The following PACRG variants were observed in gnomAD, a reference collection of about 807,000 sequenced individuals.
PACRG encodes the protein parkin coregulated.
In PACRG, 29 loss-of-function variants were observed where a neutral mutation model predicts 29.7. The observed-to-expected ratio is 0.98, with a 90% CI of 0.73 to 1.33. The LOEUF (loss-of-function observed/expected upper bound fraction) is 1.33, where lower values mean the gene tolerates loss of function less well. PACRG is among the 40% of genes most tolerant of loss of function. PACRG has a pLI of 0.00. For missense variants in PACRG, 279 were observed against 316.2 expected, an observed-to-expected ratio of 0.88 and a Z score of 0.89; for synonymous variants, 116 against 118.7, an observed-to-expected ratio of 0.98 and a Z score of 0.15.
At chr6:163,017,696 G>A (rs986367116) in intron 2 of PACRG, among the ~76,000 whole-genome samples, 6 of 152,004 alleles carry the variant, frequency 3.9e-5, no homozygotes, top group African/African-American at 9.7e-5. Flanking sequence ...ACAGACAGAC[G>A]GACAGAGATG....
intron 2 of PACRG, among the ~76,000 whole-genome samples, chr6:163,037,748 C>T (rs1430455422): frequency 6.6e-6 from 1 of 152,200 alleles, no homozygotes; most frequent in Non-Finnish European, 1.5e-5. Flanking sequence ...CATGCACACA[C>T]ACACACAGTT....
At chr6:162,873,120 C>T (rs926714339) in intron 2 of PACRG, among the ~76,000 whole-genome samples, 1 of 152,092 alleles carries the variant, frequency 6.6e-6, no homozygotes, top group African/African-American at 2.4e-5. Context: ...TTCCCTGGAA[C>T]TACAGGTATT....
chr6:163,266,833 G>T (rs769380914), intron 4 of PACRG, among the ~76,000 whole-genome samples: 4 of 152,186 alleles, frequency 2.6e-5, no homozygotes, highest in Non-Finnish European at 5.9e-5. Flanking sequence ...TCCTGCTCTA[G>T]ACCGTGGCCA....
chr6:163,013,775 G>A (rs1179200990), intron 2 of PACRG, among the ~76,000 whole-genome samples: 1 of 151,786 alleles, frequency 6.6e-6, no homozygotes. Flanking sequence ...AATAATTGCT[G>A]ATAAAATGAA....
At chr6:163,079,118 G>C (rs1450056973) in intron 3 of PACRG, among the ~76,000 whole-genome samples, 1 of 152,110 alleles carries the variant, frequency 6.6e-6, no homozygotes, top group Non-Finnish European at 1.5e-5. Context: ...ACTGTAAGGA[G>C]TAATGAGATT....
intron 4 of PACRG, among the ~76,000 whole-genome samples, chr6:163,234,329 TCTCA>T (rs2128164964): frequency 6.6e-6 from 1 of 152,106 alleles, no homozygotes; most frequent in Admixed American, 6.6e-5. Flanking sequence ...GTGGGTGAGT[TCTCA>T]CTCTTAGTTC....
chr6:162,740,527 A>C (rs1290833481), intron 1 of PACRG, among the ~76,000 whole-genome samples: 1 of 151,188 alleles, frequency 6.6e-6, no homozygotes, highest in African/African-American at 2.4e-5. Context: ...TGTGTTAGCC[A>C]GGATGGTCTT....
intron 2 of PACRG, among the ~76,000 whole-genome samples, chr6:162,859,145 A>T (rs1791648211): frequency 1.3e-5 from 2 of 151,916 alleles, no homozygotes; most frequent in Admixed American, 1.3e-4. Context: ...TCAGTAGATG[A>T]TTGAAGCGAA....
At chr6:162,750,385 A>C (rs1332482667) in intron 1 of PACRG, among the ~76,000 whole-genome samples, 1 of 152,160 alleles carries the variant, frequency 6.6e-6, no homozygotes, top group African/African-American at 2.4e-5. Context: ...TCACACTGTC[A>C]TTTTACTCAT....
intron 2 of PACRG, among the ~76,000 whole-genome samples, chr6:162,915,147 A>C (rs2128085149): frequency 6.6e-6 from 1 of 152,190 alleles, no homozygotes; most frequent in South Asian, 2.1e-4. Flanking sequence ...ATTGGCTATG[A>C]GTTTTTCATA....
chr6:163,258,371 G>T (rs1279878625), intron 4 of PACRG, among the ~76,000 whole-genome samples: 4 of 151,984 alleles, frequency 2.6e-5, no homozygotes, highest in African/African-American at 9.7e-5. Context: ...CTTTAGATGG[G>T]CTTAAAGCAA....
chr6:162,842,118 G>C (rs1287913916), intron 2 of PACRG, among the ~76,000 whole-genome samples: 1 of 149,984 alleles, frequency 6.7e-6, no homozygotes, highest in African/African-American at 2.5e-5. Context: ...AGGTCCGCTT[G>C]GTGCAGAGCT....
At chr6:163,279,054 G>A (rs1784144676) in intron 4 of PACRG, among the ~76,000 whole-genome samples, 1 of 152,074 alleles carries the variant, frequency 6.6e-6, no homozygotes, top group African/African-American at 2.4e-5. Flanking sequence ...TCATGTCCTT[G>A]GTTAGGTGTA....
intron 2 of PACRG, among the ~76,000 whole-genome samples, chr6:162,827,619 T>G (rs1482781225): frequency 1.3e-5 from 2 of 152,194 alleles, no homozygotes; most frequent in East Asian, 3.8e-4. Flanking sequence ...TAAAGCATCA[T>G]TATTTGGCTT....
At position 163,128,535 on chromosome 6, in the gene PACRG, A is replaced by G. The variant is rs148733323; in HGVS notation, c.613+39127A>G. Among the ~76,000 whole-genome samples the G allele has an allele frequency of 6.5e-3, 994 of 152,274 alleles. 11 individuals are homozygous for G. Among genetic ancestry groups the G allele is most frequent in the African/African-American group, 0.023 (954 of 41,552 alleles). ...CTTTTTTAAAAATTGAGCTATATTC[A>G]TGCAAGTTATATAACTTAATTTACT... On this transcript the variant is annotated intron_variant, in intron 4 of 4. Coordinates refer to ENST00000366888, the MANE Select transcript of PACRG (RefSeq NM_001080379.2).
At chr6:162,752,974 A>AT (rs1314038191) in intron 1 of PACRG, among the ~76,000 whole-genome samples, 1 of 152,044 alleles carries the variant, frequency 6.6e-6, no homozygotes. Context: ...TATTAATGTT[A>AT]TTTTGATTCA....
At chr6:162,868,921 C>T (rs1792559365) in intron 2 of PACRG, among the ~76,000 whole-genome samples, 1 of 152,206 alleles carries the variant, frequency 6.6e-6, no homozygotes, top group South Asian at 2.1e-4. Flanking sequence ...TAGCTGCTGA[C>T]ACAGGGCAGC....
chr6:162,763,373 C>T (rs893740968), intron 1 of PACRG, among the ~76,000 whole-genome samples: 1 of 152,152 alleles, frequency 6.6e-6, no homozygotes, highest in Non-Finnish European at 1.5e-5. Flanking sequence ...GCTGACAAGG[C>T]TCTGATATAA....
chr6:163,310,594 A>G (rs1785375227), intron 4 of PACRG: 1 of 152,228 alleles, frequency 6.6e-6, no homozygotes, highest in Non-Finnish European at 1.5e-5. Flanking sequence ...TGACGTGGGA[A>G]GACCTCGCTC....
Sources: gnomAD v4.1 joint callset for allele counts (sites outside exome capture counted in the v4.1 genomes callset) on GRCh38, gnomAD v4.1.1 for gene constraint, MANE v1.5 for transcripts, NCBI Gene and HGNC (gene_info 2026-07-23, HGNC 2026-07-21) for gene names.